The following C5AR2 variants were observed in gnomAD, a reference collection of about 807,000 sequenced individuals.
The protein encoded by C5AR2 is complement C5a receptor 2, also known as C5a anaphylatoxin chemotactic receptor 2.
For synonymous variants in C5AR2, 224 were observed against 216.5 expected (o/e 1.03, Z -0.30); for missense variants, 458 against 467.5 (o/e 0.98, Z 0.19).
At chr19:47,338,689 T>TAATAATAA (rs1555808685) in intron 1 of C5AR2, among the ~76,000 whole-genome samples, 27 of 141,634 alleles carry the variant, frequency 1.9e-4, no homozygotes, top group Non-Finnish European at 3.4e-4. Flanking sequence ...ATAATAATAA[T>TAATAATAA]TAATCAGGCA....
chr19:47,336,897 G>A (rs971811552), intron 1 of C5AR2, among the ~76,000 whole-genome samples: 3 of 152,084 alleles, frequency 2.0e-5, no homozygotes, highest in Non-Finnish European at 4.4e-5. Context: ...CAAGTGGCCT[G>A]GACTCTTCAC....
rs538185640 is a variant in C5AR2 at position 47,342,919 on chromosome 19, A to G, written c.*1106A>G. The G allele has an allele frequency of 6.6e-6, 1 of 152,316 alleles. No individual in the cohort carries two copies. Among genetic ancestry groups the G allele is most frequent in the East Asian group, 1.9e-4 (1 of 5,190 alleles). 9.4% of individuals were successfully genotyped at this position (152,316 alleles called of 1,614,324 possible). On this transcript the variant is annotated 3_prime_UTR_variant, in exon 2 of 2. Coordinates refer to ENST00000595464, the MANE Select transcript of C5AR2 (RefSeq NM_001271749.2). The stretch of plus-strand genomic sequence containing the variant: ...AAGGCTTCTCTCCACCACTGGACAC[A>G]CTTACTCTCTAGCTTCTCAGACCCT...
At chr19:47,334,624 G>A (rs905975424) in intron 1 of C5AR2, among the ~76,000 whole-genome samples, 1 of 152,004 alleles carries the variant, frequency 6.6e-6, no homozygotes, top group Non-Finnish European at 1.5e-5. Flanking sequence ...TGAACAAGAC[G>A]AAAACACAAA....
rs1969016225 is a variant in C5AR2, at chr19:47,341,181, C to T, written c.382C>T (p.Leu128Phe). 1 of 1,600,972 alleles carries T rather than the reference C, an allele frequency of 6.2e-7. No individual in the cohort carries two copies. Among genetic ancestry groups the T allele is most frequent in the Admixed American group, 1.7e-5 (1 of 60,012 alleles). ...TGCCAGCGTCCTGCTCCTGGCAGCTCTCAGTGCCGACCTCTGCTTCCTGGC... is the reference window on the plus strand; with the variant it reads ...TGCCAGCGTCCTGCTCCTGGCAGCTTTCAGTGCCGACCTCTGCTTCCTGGC... Reference protein sequence around the residue: ...MYASVLLLAALSADLCFLALG... With the variant: ...MYASVLLLAAFSADLCFLALG... The change falls in exon 2 of 2, where the codon CTC becomes TTC. Residue 128 changes from leucine to phenylalanine, a missense_variant. By Grantham distance (22) the Leu-to-Phe change is conservative. Transcript: ENST00000595464. The surrounding 1 kb of genome is among the most constrained non-coding windows in gnomAD (Gnocchi z 4.6).
intron 1 of C5AR2, among the ~76,000 whole-genome samples, chr19:47,336,076 T>TTTG (rs1284655507): frequency 2.0e-5 from 3 of 151,822 alleles, no homozygotes; most frequent in Non-Finnish European, 2.9e-5. Context: ...TTTGAGGGTT[T>TTTG]TTGTTGTTGT....
intron 1 of C5AR2, among the ~76,000 whole-genome samples, chr19:47,336,492 T>TTCCTTC: frequency 1.4e-4 from 1 of 6,974 alleles, no homozygotes; most frequent in Non-Finnish European, 2.9e-4. Flanking sequence ...TTCCTTCCTT[T>TTCCTTC]CTTTCTTTCT....
chr19:47,346,784 C>A lies in C5AR2; in HGVS notation c.*4971C>A, dbSNP rs542178652. ...AAAGAAAGCAAGCTGTTTTCCCCTG[C>A]CTTGCCCCTGCTCACCTTTGAATTC... On this transcript the variant is annotated 3_prime_UTR_variant, in exon 2 of 2. Transcript: ENST00000595464. The A allele has an allele frequency of 6.6e-6, 1 of 152,128 alleles. No individual in the cohort carries two copies. The highest frequency in any genetic ancestry group is 6.6e-5 in the Admixed American group (1 of 15,260). The allele number at this position is 152,128 out of a possible 1,614,324, so 9.4% of individuals were successfully genotyped here.
At chr19:47,334,272 A>G (rs2059349271) in intron 1 of C5AR2, among the ~76,000 whole-genome samples, 1 of 152,106 alleles carries the variant, frequency 6.6e-6, no homozygotes, top group African/African-American at 2.4e-5. Context: ...AAGGGTACCT[A>G]TGATTTAAAA....
At chr19:47,339,445 G>A (rs1270024130) in intron 1 of C5AR2, among the ~76,000 whole-genome samples, 2 of 152,006 alleles carry the variant, frequency 1.3e-5, no homozygotes, top group Non-Finnish European at 2.9e-5. Flanking sequence ...AGCCTCCTGA[G>A]TAGCTGGGAT....
In C5AR2 at chr19:47,341,082, G is replaced by A. The variant is rs775210611; in HGVS notation, c.283G>A (p.Ala95Thr). The A allele has an allele frequency of 6.2e-7, 1 of 1,605,134 alleles. No individual in the cohort carries two copies. The highest frequency in any genetic ancestry group is 2.2e-5 in the East Asian group (1 of 44,878). The stretch of plus-strand genomic sequence containing the variant: ...TCTGCCCATCCTGGCAGTGCCCATT[G>A]CCCGTGGAGGCCACTGGCCGTATGG... ...LSLPILAVPI[A>T]RGGHWPYGAV... is the part of the protein sequence containing the mutation. The change falls in exon 2 of 2, where the codon GCC (alanine) becomes ACC (threonine). Residue 95 changes from alanine to threonine, a missense_variant. Transcript: ENST00000595464. This position sits in a 1 kb window ranked among gnomAD's most constrained non-coding sequence, Gnocchi z 4.6.
At chr19:47,335,770 T>TTAA (rs1292561661) in intron 1 of C5AR2, among the ~76,000 whole-genome samples, 2 of 366 alleles carry the variant, frequency 5.5e-3, no homozygotes, top group Non-Finnish European at 0.014. Context: ...ATACTCCGTC[T>TTAA]CAAAAAAAAA....
intron 1 of C5AR2, among the ~76,000 whole-genome samples, chr19:47,334,442 G>A (rs1047870223): frequency 7.1e-6 from 1 of 141,766 alleles, no homozygotes; most frequent in African/African-American, 2.7e-5. Flanking sequence ...ATCAGCCTGG[G>A]CAACAGAGTA....
chr19:47,346,913 G>A lies in C5AR2; in HGVS notation c.*5100G>A, dbSNP rs1289962456. 1 of 152,174 alleles carries A rather than the reference G, an allele frequency of 6.6e-6. No homozygotes were observed. The highest frequency in any genetic ancestry group is 2.4e-5 in the African/African-American group (1 of 41,436). The allele number at this position is 152,174 out of a possible 1,614,324, so 9.4% of individuals were successfully genotyped here. ...TCTATTGGGACCAGTTGCCACTTAG[G>A]AGCATTCTTTGATAACTTTTACAAA... On this transcript the variant is annotated 3_prime_UTR_variant, in exon 2 of 2. Coordinates refer to ENST00000595464, the MANE Select transcript of C5AR2 (RefSeq NM_001271749.2).
rs1969094391 is a variant in C5AR2, at chr19:47,344,751, C to T, written c.*2938C>T. ...ACTGTAAATTCCCCAAGGGTAACAA[C>T]TGGACTAATTTTTTTTAATTTAATT... On this transcript the variant is annotated 3_prime_UTR_variant, in exon 2 of 2. Transcript: ENST00000595464. 1 of 152,088 alleles carries T rather than the reference C, an allele frequency of 6.6e-6. No homozygotes were observed. Among genetic ancestry groups the T allele is most frequent in the African/African-American group, 2.4e-5 (1 of 41,416 alleles). The allele number at this position is 152,088 out of a possible 1,614,324, so 9.4% of individuals were successfully genotyped here.
At chr19:47,336,389 T>C (rs2059357585) in intron 1 of C5AR2, among the ~76,000 whole-genome samples, 1 of 151,452 alleles carries the variant, frequency 6.6e-6, no homozygotes, top group Admixed American at 6.6e-5. Flanking sequence ...TGTGCCCGGC[T>C]AGGGGGGGTT....
At chr19:47,338,266 C>A (rs2059366341) in intron 1 of C5AR2, among the ~76,000 whole-genome samples, 1 of 30,198 alleles carries the variant, frequency 3.3e-5, no homozygotes, top group South Asian at 1.5e-3. Context: ...GATGGCGAGA[C>A]CCTGTCTCTA....
rs1464549505 is a variant in C5AR2, at chr19:47,343,098, C to T, written c.*1285C>T. 1 of 151,966 alleles carries T rather than the reference C, an allele frequency of 6.6e-6. No homozygotes were observed. The highest frequency in any genetic ancestry group is 1.5e-5 in the Non-Finnish European group (1 of 68,010). 9.4% of individuals were successfully genotyped at this position (151,966 alleles called of 1,614,324 possible). A position where few individuals can be genotyped will look rare whatever the true frequency, so the allele number is the denominator to read the frequency against. On this transcript the variant is annotated 3_prime_UTR_variant, in exon 2 of 2. Transcript: ENST00000595464. ...TTATCCTGGATTGTCTGGGTGGGCT[C>T]AATGGAGTCACGAGGGTCCTTTTAA...
rs1466210338 is a variant in C5AR2, at chr19:47,340,817, C to T, written c.18C>T (p.Val6=). ...GAGCCTGAATGGGGAACGATTCTGT[C>T]AGCTACGAGTATGGGGATTACAGCG... MGNDS[V]SYEYGDYSDL... The change falls in exon 2 of 2, where the codon GTC becomes GTT. Residue 6 remains valine (V), a synonymous_variant. Coordinates refer to ENST00000595464, the MANE Select transcript of C5AR2 (RefSeq NM_001271749.2). The T allele has an allele frequency of 5.0e-6, 8 of 1,613,382 alleles. No homozygotes were observed. The highest frequency in any genetic ancestry group is 6.8e-6 in the Non-Finnish European group (8 of 1,179,990).
rs920969674 is a variant in C5AR2, at chr19:47,345,698, C to T, written c.*3885C>T. The T allele has an allele frequency of 6.6e-6, 1 of 151,726 alleles. No individual in the cohort carries two copies. Among genetic ancestry groups the T allele is most frequent in the Admixed American group, 6.6e-5 (1 of 15,202 alleles). 9.4% of individuals were successfully genotyped at this position (151,726 alleles called of 1,614,324 possible). ...TGATATTTTATTACTTAGTATTTTA[C>T]TCTGAATTATCATGCGTGAATTAAG... On this transcript the variant is annotated 3_prime_UTR_variant, in exon 2 of 2. Coordinates refer to ENST00000595464, the MANE Select transcript of C5AR2 (RefSeq NM_001271749.2).
Sources: allele counts gnomAD v4.1 joint callset (sites outside exome capture counted in the v4.1 genomes callset), GRCh38; gene constraint gnomAD v4.1.1; non-coding constraint Gnocchi (gnomAD v3.1); transcripts MANE v1.5; gene names NCBI Gene and HGNC (gene_info 2026-07-23, HGNC 2026-07-21).